Variants in TAFA1 observed in about 807,000 individuals in gnomAD.
The protein encoded by TAFA1 is chemokine-like protein TAFA-1.
Under a neutral mutation model 18.5 loss-of-function variants are expected in TAFA1, and 4 were observed. The ratio of observed to expected loss-of-function variants is 0.22; its 90% CI spans 0.11 to 0.49. The LOEUF (loss-of-function observed/expected upper bound fraction) is 0.49, where lower values mean the gene tolerates loss of function less well. TAFA1 is among the 20% of genes least tolerant of loss of function. The pLI is 0.98. For missense variants in TAFA1, 147 were observed against 169.0 expected, an observed-to-expected ratio of 0.87 and a Z score of 0.72; for synonymous variants, 56 against 55.2, an observed-to-expected ratio of 1.01 and a Z score of -0.06.
chr3:68,200,518 C>T (rs767679436), intron 2 of TAFA1, among the ~76,000 whole-genome samples: 7 of 151,560 alleles, frequency 4.6e-5, no homozygotes, highest in African/African-American at 1.5e-4. Context: ...TAATAGATAT[C>T]GGCCTATTTA....
At chr3:68,383,151 G>A (rs2070013318) in intron 2 of TAFA1, among the ~76,000 whole-genome samples, 2 of 151,918 alleles carry the variant, frequency 1.3e-5, no homozygotes, top group Admixed American at 6.6e-5. Flanking sequence ...TCAGCAGAGA[G>A]GGATAGTTTG....
chr3:68,096,885 G>C (rs2065092904), intron 2 of TAFA1, among the ~76,000 whole-genome samples: 1 of 152,098 alleles, frequency 6.6e-6, no homozygotes, highest in African/African-American at 2.4e-5. Flanking sequence ...GGTAATGGTG[G>C]AAAGCAATCA....
chr3:68,255,084 G>C lies in TAFA1; in HGVS notation c.119-162196G>C, dbSNP rs117487468. Among the ~76,000 whole-genome samples the C allele has an allele frequency of 5.6e-3, 853 of 152,176 alleles. 45 individuals carry two copies. The East Asian group carries it at 0.11, about 20-fold the overall frequency. The stretch of plus-strand genomic sequence containing the variant: ...GAAGAGTGGCCATTTTGCCTAAAAG[G>C]AAGCAATACATCAAATAAGGGCTAG... On this transcript the variant is annotated intron_variant, in intron 2 of 4. Coordinates refer to ENST00000478136, the MANE Select transcript of TAFA1 (RefSeq NM_213609.4).
At chr3:68,176,311 G>A (rs1160514009) in intron 2 of TAFA1, among the ~76,000 whole-genome samples, 1 of 152,088 alleles carries the variant, frequency 6.6e-6, no homozygotes, top group African/African-American at 2.4e-5. Context: ...TTGAGACCCT[G>A]TTTCTACAAA....
intron 2 of TAFA1, among the ~76,000 whole-genome samples, chr3:68,172,337 C>G (rs2066066225): frequency 6.6e-6 from 1 of 152,028 alleles, no homozygotes; most frequent in Non-Finnish European, 1.5e-5. Context: ...AAATCAAAAC[C>G]ACACTGCAAT....
the TAFA1 span, among the ~76,000 whole-genome samples, chr3:67,997,318 A>G: frequency 1.3e-5 from 2 of 152,188 alleles, no homozygotes; most frequent in Non-Finnish European, 2.9e-5. Flanking sequence ...GATCTTTTGA[A>G]GCAGGTATCA....
At chr3:68,061,748 G>A (rs1273727272) in intron 2 of TAFA1, among the ~76,000 whole-genome samples, 6 of 152,114 alleles carry the variant, frequency 3.9e-5, no homozygotes, top group Non-Finnish European at 7.4e-5. Context: ...TGTAGTTGAC[G>A]ATTAAAGGTA....
chr3:68,401,813 TC>T (rs1415954263), intron 2 of TAFA1, among the ~76,000 whole-genome samples: 1 of 151,986 alleles, frequency 6.6e-6, no homozygotes, highest in Non-Finnish European at 1.5e-5. Context: ...CCTCCCAAAC[TC>T]CATGAACTGA....
intron 2 of TAFA1, among the ~76,000 whole-genome samples, chr3:68,298,615 G>A: frequency 6.6e-6 from 1 of 152,152 alleles, no homozygotes; most frequent in Non-Finnish European, 1.5e-5. Context: ...ATTGAATCAT[G>A]GGGGTGTTTT....
intron 2 of TAFA1, among the ~76,000 whole-genome samples, chr3:68,378,974 A>T (rs1054794219): frequency 6.6e-6 from 1 of 152,068 alleles, no homozygotes; most frequent in East Asian, 1.9e-4. Context: ...TTTCTAAATT[A>T]CCCAGTCTCG....
intron 2 of TAFA1, among the ~76,000 whole-genome samples, chr3:68,412,570 C>T (rs1013693178): frequency 6.6e-6 from 1 of 152,088 alleles, no homozygotes; most frequent in Admixed American, 6.6e-5. Flanking sequence ...TGTTCCCCAC[C>T]CTGTGTCCAA....
intron 2 of TAFA1, among the ~76,000 whole-genome samples, chr3:68,092,763 G>A (rs184053397): frequency 2.8e-4 from 43 of 152,096 alleles, no homozygotes; most frequent in African/African-American, 9.2e-4. Context: ...AATAGCAATC[G>A]CACTCCCCAA....
At chr3:68,170,208 A>C (rs2066035283) in intron 2 of TAFA1, among the ~76,000 whole-genome samples, 1 of 152,178 alleles carries the variant, frequency 6.6e-6, no homozygotes, top group Non-Finnish European at 1.5e-5. Context: ...CAACCGTGGT[A>C]CTTGTTAGAA....
chr3:68,456,484 G>T (rs1015239173), intron 3 of TAFA1, among the ~76,000 whole-genome samples: 2 of 152,146 alleles, frequency 1.3e-5, no homozygotes, highest in Admixed American at 1.3e-4. Context: ...GTTAGCAGAA[G>T]TTGCTTCTCC....
chr3:68,299,338 G>A (rs533839303), intron 2 of TAFA1, among the ~76,000 whole-genome samples: 2 of 152,206 alleles, frequency 1.3e-5, no homozygotes, highest in African/African-American at 4.8e-5. Context: ...AGAGATCTGT[G>A]AACTTTGAAC....
At chr3:68,283,854 A>C (rs555537813) in intron 2 of TAFA1, among the ~76,000 whole-genome samples, 25 of 152,326 alleles carry the variant, frequency 1.6e-4, no homozygotes, top group African/African-American at 6.0e-4. Context: ...CATAATTGGC[A>C]AAATTTTCAT....
intron 3 of TAFA1, among the ~76,000 whole-genome samples, chr3:68,437,329 A>G (rs2071283161): frequency 6.6e-6 from 1 of 152,164 alleles, no homozygotes; most frequent in Non-Finnish European, 1.5e-5. Context: ...TAAAGAGAAT[A>G]TAGTTTAAAA....
chr3:68,234,459 C>T (rs1043107840), intron 2 of TAFA1, among the ~76,000 whole-genome samples: 15 of 152,212 alleles, frequency 9.9e-5, no homozygotes, highest in Non-Finnish European at 1.6e-4. Flanking sequence ...ATAAAACTGT[C>T]GATGCTAACC....
intron 2 of TAFA1, among the ~76,000 whole-genome samples, chr3:68,233,549 G>A (rs898298378): frequency 9.2e-5 from 14 of 152,058 alleles, no homozygotes; most frequent in Admixed American, 7.2e-4. Context: ...AAGTCAGGTC[G>A]TGTGATACCT....
Sources: allele counts gnomAD v4.1 joint callset (sites outside exome capture counted in the v4.1 genomes callset), GRCh38; gene constraint gnomAD v4.1.1; transcripts MANE v1.5; gene names NCBI Gene and HGNC (gene_info 2026-07-23, HGNC 2026-07-21).